Variants in SNX5 observed in about 807,000 individuals in gnomAD.
SNX5 encodes sorting nexin-5.
SNX5 carries 31 observed loss-of-function variants against 53.9 expected under a neutral mutation model. The observed-to-expected ratio is 0.58, with a 90% CI of 0.43 to 0.78. SNX5 has a LOEUF of 0.78. Ranked by LOEUF, SNX5 falls within the 30% of genes least tolerant of loss-of-function variation. SNX5 has a pLI of 0.00. For synonymous variants in SNX5, 168 were observed against 171.1 expected, an observed-to-expected ratio of 0.98 and a Z score of 0.14; for missense variants, 471 against 478.8, an observed-to-expected ratio of 0.98 and a Z score of 0.15.
Position 17,968,627 on chromosome 20 carries a change from TC to T in SNX5, c.-203del. 5 of 621,848 alleles carry T rather than the reference TC, an allele frequency of 8.0e-6. No homozygotes were observed. Among genetic ancestry groups the T allele is most frequent in the Non-Finnish European group, 8.7e-6 (3 of 345,458 alleles). The allele number at this position is 621,848 out of a possible 1,614,324, so 38.5% of individuals were successfully genotyped here. A position where few individuals can be genotyped will look rare whatever the true frequency, so the allele number is the denominator to read the frequency against. The stretch of plus-strand genomic sequence containing the variant: ...AGCAGGCGAGCAGGGCGCCACGTGC[TC>T]CCCCAGAGCAGCCTCCCAGTCCCCG... On this transcript the variant is annotated 5_prime_UTR_variant, in exon 1 of 13. Coordinates refer to ENST00000377759, the MANE Select transcript of SNX5 (RefSeq NM_014426.4).
intron 1 of SNX5, among the ~76,000 whole-genome samples, chr20:17,957,817 T>G (rs1489873358): frequency 6.6e-6 from 1 of 152,116 alleles, no homozygotes; most frequent in Admixed American, 6.5e-5. Context: ...CTGTTTCAAA[T>G]AGCCAAGGAA....
intron 1 of SNX5, among the ~76,000 whole-genome samples, chr20:17,963,454 G>A (rs989060042): frequency 6.6e-6 from 1 of 152,160 alleles, no homozygotes; most frequent in Admixed American, 6.5e-5. Context: ...AGCAGGCCGA[G>A]ACCCTGAGAC....
At chr20:17,944,527 C>T (rs148474662) in intron 11 of SNX5, 1 of 152,020 alleles carries the variant, frequency 6.6e-6, no homozygotes, top group South Asian at 2.1e-4. Flanking sequence ...TTAGGGCATG[C>T]TTCCTTTTCA....
At chr20:17,950,617 T>TCTTCTGTAGACAG (rs1350207799) in intron 6 of SNX5, among the ~76,000 whole-genome samples, 3 of 152,182 alleles carry the variant, frequency 2.0e-5, no homozygotes, top group Non-Finnish European at 4.4e-5. Context: ...AAGAATCACT[T>TCTTCTGTAGACAG]AACAACCACC....
In SNX5 at chr20:17,954,223, C is replaced by T. The variant is rs568046117; in HGVS notation, c.268-106G>A. 8.8e-5 allele frequency: 133 copies of T among 1,510,924 alleles called. 1 individual carries two copies. The African/African-American group carries it at 1.4e-3, about 16-fold the overall frequency. The allele number at this position is 1,510,924 out of a possible 1,614,324, so 93.6% of individuals were successfully genotyped here. On this transcript the variant is annotated intron_variant, in intron 3 of 12. Transcript: ENST00000377759. ...GTCCACAGGAGACAACCACTCCACT[C>T]CTGTGGGGCTATTTAAAAGTCAACT...
chr20:17,954,284 C>T, intron 3 of SNX5, 167 bp from the exon 4 acceptor site: 2 of 1,074,240 alleles, frequency 1.9e-6, no homozygotes, highest in Non-Finnish European at 2.6e-6. Context: ...CTCTTCTGGA[C>T]ATTTAAAATG....
At chr20:17,942,942 A>G in intron 12 of SNX5, 168 bp downstream of exon 12, 1 of 588,528 alleles carries the variant, frequency 1.7e-6, no homozygotes, top group East Asian at 2.8e-5. Flanking sequence ...GGGTGACATT[A>G]TAAACAAGAC....
chr20:17,960,169 A>G (rs1474575382), intron 1 of SNX5, among the ~76,000 whole-genome samples: 1 of 152,210 alleles, frequency 6.6e-6, no homozygotes, highest in Non-Finnish European at 1.5e-5. Flanking sequence ...AAGTTTTAAA[A>G]CTGACTTCTG....
At chr20:17,942,445 T>G in intron 12 of SNX5, 38 bp from the exon 13 acceptor site, 1 of 1,523,062 alleles carries the variant, frequency 6.6e-7, no homozygotes, top group East Asian at 2.3e-5. Flanking sequence ...AGTGAATTAT[T>G]AAAACTTGCC....
chr20:17,962,836 G>A (rs758248206), intron 1 of SNX5: 2 of 519,190 alleles, frequency 3.9e-6, no homozygotes, highest in South Asian at 2.8e-5. Flanking sequence ...ACTGCAGACT[G>A]CAGGGCATTT....
intron 10 of SNX5, 61 bp downstream of exon 10, chr20:17,948,829 A>G: frequency 1.5e-6 from 2 of 1,355,772 alleles, no homozygotes; most frequent in South Asian, 2.4e-5. Context: ...GTATAAAGAA[A>G]CTTTTTAAAC....
chr20:17,957,432 C>CAA (rs11476332), intron 1 of SNX5, among the ~76,000 whole-genome samples: 44 of 119,030 alleles, frequency 3.7e-4, no homozygotes, highest in African/African-American at 1.1e-3. Context: ...GAAACTGTCT[C>CAA]AAAAAAAAAA....
At position 17,956,673 on chromosome 20, in the gene SNX5, C is replaced by CAAAAA. The variant is rs59252584; in HGVS notation, c.156+255_156+259dup. On this transcript the variant is annotated intron_variant, in intron 2 of 12. Coordinates refer to ENST00000377759, the MANE Select transcript of SNX5 (RefSeq NM_014426.4). ...CTGGGCAACACAATGAGACTGTCTC[C>CAAAAA]AAAAAAAAAAAAAAAAAAAAAAAAA... is the stretch of plus-strand genomic sequence containing the variant. Among the ~76,000 whole-genome samples, 237 of 84,846 alleles carry CAAAAA rather than the reference C, an allele frequency of 2.8e-3. 12 individuals carry two copies. The highest frequency in any genetic ancestry group is 6.3e-3 in the African/African-American group (133 of 20,998). The allele number at this position is 84,846 out of a possible 152,430, so 55.7% of individuals were successfully genotyped here.
chr20:17,947,501 C>G lies in SNX5; in HGVS notation c.1063G>C (p.Glu355Gln). The change falls in exon 11 of 13, where the codon GAA becomes CAA. Residue 355 changes from glutamate (E) to glutamine (Q), a missense_variant. Physicochemically the swap from Glu to Gln is conservative, Grantham distance 29 (BLOSUM62 2). Coordinates refer to ENST00000377759, the MANE Select transcript of SNX5 (RefSeq NM_014426.4). ...CCTGCTCAACCTTCTTTTGCAGATT[C>G]GGAAAGTTGTTCAAATTTCTGGCAG... ...ECCQKFEQLS[E>Q]SAKEELINFK... 6.2e-7 allele frequency: 1 copy of G among 1,613,056 alleles called. No individual in the cohort carries two copies. Among genetic ancestry groups the G allele is most frequent in the Non-Finnish European group, 8.5e-7 (1 of 1,179,528 alleles).
At chr20:17,965,245 C>T (rs2035518770) in intron 1 of SNX5, among the ~76,000 whole-genome samples, 1 of 152,134 alleles carries the variant, frequency 6.6e-6, no homozygotes, top group Non-Finnish European at 1.5e-5. Context: ...CTAGCAGAGG[C>T]CAAAAACAGT....
At chr20:17,959,170 A>C (rs1326186318) in intron 1 of SNX5, among the ~76,000 whole-genome samples, 1 of 152,212 alleles carries the variant, frequency 6.6e-6, no homozygotes, top group African/African-American at 2.4e-5. Context: ...ATACCCTTGG[A>C]ATTCGAATAG....
intron 2 of SNX5, among the ~76,000 whole-genome samples, chr20:17,956,123 T>TA (rs1215817356): frequency 6.6e-6 from 1 of 150,580 alleles, no homozygotes; most frequent in Non-Finnish European, 1.5e-5. Context: ...ACCCCCAACT[T>TA]ATGACAAAGA....
chr20:17,955,428 T>C lies in SNX5; in HGVS notation c.204A>G (p.Gln68=), dbSNP rs1425820834. Residue 68 remains glutamine, a synonymous_variant, in exon 3 of 13, where the codon CAA becomes CAG. Transcript: ENST00000377759. The stretch of plus-strand genomic sequence containing the variant: ...CATGTAGCCACACAAAGTCTTCATG[T>C]TGCCTTGTAACAGAAAACTCTGGGC... ...FQSPEFSVTR[Q]HEDFVWLHDT... 3 of 1,614,210 alleles carry C rather than the reference T, an allele frequency of 1.9e-6. No homozygotes were observed. In the Admixed American group the frequency reaches 5.0e-5, roughly 27 times the overall value.
intron 2 of SNX5, 71 bp downstream of exon 2, chr20:17,956,862 C>CT (rs1411917021): frequency 1.2e-6 from 1 of 825,194 alleles, no homozygotes; most frequent in African/African-American, 1.7e-5. Context: ...CAGGGAATCT[C>CT]TTCTCACATC....
Sources: gnomAD v4.1 joint callset for allele counts (sites outside exome capture counted in the v4.1 genomes callset) on GRCh38, gnomAD v4.1.1 for gene constraint, MANE v1.5 for transcripts, NCBI Gene and HGNC (gene_info 2026-07-23, HGNC 2026-07-21) for gene names.